SUPT3H: variants seen among roughly 807,000 people sequenced by gnomAD.
SUPT3H encodes SPT3 homolog, SAGA and STAGA complex component.
A neutral mutation model predicts 44.3 loss-of-function variants in SUPT3H; 44 were observed. The observed-to-expected ratio is 0.99, with a 90% CI of 0.78 to 1.28. SUPT3H has a LOEUF of 1.28. Ranked by LOEUF, SUPT3H falls within the 50% of genes most tolerant of loss-of-function variation. The probability of loss-of-function intolerance (pLI) is 0.00; values close to 1 mark genes in which losing one functional copy is unlikely to be tolerated. For missense variants in SUPT3H, 380 were observed against 387.1 expected, an observed-to-expected ratio of 0.98 and a Z score of 0.15; for synonymous variants, 124 against 125.6, an observed-to-expected ratio of 0.99 and a Z score of 0.09.
At chr6:45,302,131 C>T (rs200757460) in intron 2 of SUPT3H, among the ~76,000 whole-genome samples, 40 of 152,006 alleles carry the variant, frequency 2.6e-4, no homozygotes, top group African/African-American at 8.2e-4. Flanking sequence ...ATAGGCTTTG[C>T]GGGGGAAAGG....
At chr6:45,149,849 C>T (rs1368624681) in intron 2 of SUPT3H, among the ~76,000 whole-genome samples, 4 of 152,086 alleles carry the variant, frequency 2.6e-5, no homozygotes, top group African/African-American at 7.2e-5. Flanking sequence ...CCTTATTCAG[C>T]GATACTGAGT....
At chr6:45,079,850 T>G (rs4711812) in intron 3 of SUPT3H, among the ~76,000 whole-genome samples, 1 of 152,330 alleles carries the variant, frequency 6.6e-6, no homozygotes, top group African/African-American at 2.4e-5. Context: ...AAACTATTCA[T>G]AGAACTCACT....
intron 2 of SUPT3H, among the ~76,000 whole-genome samples, chr6:45,325,639 A>C (rs1786226173): frequency 6.7e-6 from 1 of 148,412 alleles, no homozygotes; most frequent in South Asian, 2.1e-4. Flanking sequence ...GGGTCTTTAA[A>C]AAGCAAAAAT....
intron 2 of SUPT3H, among the ~76,000 whole-genome samples, chr6:45,173,600 G>A (rs1811185910): frequency 6.6e-6 from 1 of 152,190 alleles, no homozygotes; most frequent in Admixed American, 6.5e-5. Flanking sequence ...TCTGACACCT[G>A]TAGTAGATGC....
chr6:45,319,009 T>TA (rs1162315675), intron 2 of SUPT3H, among the ~76,000 whole-genome samples: 9 of 152,108 alleles, frequency 5.9e-5, no homozygotes, highest in Non-Finnish European at 8.8e-5. Flanking sequence ...AAAGTATGTT[T>TA]AAAAAAATGT....
At chr6:44,965,134 G>A (rs1582796194) in intron 6 of SUPT3H, among the ~76,000 whole-genome samples, 1 of 152,206 alleles carries the variant, frequency 6.6e-6, no homozygotes, top group East Asian at 1.9e-4. Context: ...AGAAATTAGC[G>A]AGGCCCTGGG....
At chr6:45,376,492 T>C (rs1563053957) in intron 1 of SUPT3H, among the ~76,000 whole-genome samples, 2 of 152,234 alleles carry the variant, frequency 1.3e-5, no homozygotes, top group Non-Finnish European at 2.9e-5. Context: ...ACATTTCAAG[T>C]GCTGAAGAGC....
intron 9 of SUPT3H, among the ~76,000 whole-genome samples, chr6:44,939,543 C>T (rs1582631377): frequency 6.6e-6 from 1 of 151,982 alleles, no homozygotes; most frequent in Non-Finnish European, 1.5e-5. Flanking sequence ...TGTGTCCTTG[C>T]CTGGTTTGGT....
intron 2 of SUPT3H, among the ~76,000 whole-genome samples, chr6:45,331,335 TTATC>T (rs1396578035): frequency 6.6e-6 from 1 of 152,034 alleles, no homozygotes; most frequent in Non-Finnish European, 1.5e-5. Context: ...AGCTGACTGA[TTATC>T]TACATAAAAT....
Position 44,958,429 on chromosome 6 carries a change from A to G in SUPT3H, c.580+3324T>C, listed in dbSNP as rs572639064. ...TGGAATGCTCATTCCACTCAGAAGA[A>G]ACTACTTTGCAACTTCAACCTAATT... On this transcript the variant is annotated intron_variant, in intron 7 of 10. Coordinates refer to ENST00000371459, the MANE Select transcript of SUPT3H (RefSeq NM_003599.4). 5.9e-5 allele frequency among the ~76,000 whole-genome samples: 9 copies of G among 152,276 alleles called. No homozygotes were observed. In the South Asian group the frequency reaches 1.7e-3, roughly 28 times the overall value.
At chr6:44,939,380 G>A (rs1772025615) in intron 9 of SUPT3H, among the ~76,000 whole-genome samples, 1 of 152,062 alleles carries the variant, frequency 6.6e-6, no homozygotes, top group Non-Finnish European at 1.5e-5. Context: ...ATTGATTTGT[G>A]TATGTTGCAT....
At chr6:45,165,080 C>G (rs978116379) in intron 2 of SUPT3H, among the ~76,000 whole-genome samples, 3 of 152,142 alleles carry the variant, frequency 2.0e-5, no homozygotes, top group Admixed American at 2.0e-4. Flanking sequence ...CATTCTGTCC[C>G]CACTGCAAGG....
intron 11 of SUPT3H, among the ~76,000 whole-genome samples, chr6:44,815,598 C>G (rs1766858206): frequency 6.6e-6 from 1 of 151,994 alleles, no homozygotes; most frequent in African/African-American, 2.4e-5. Context: ...ATTAAGAATG[C>G]TAAAGGGGAC....
intron 2 of SUPT3H, among the ~76,000 whole-genome samples, chr6:45,284,889 C>T (rs1004760934): frequency 1.3e-5 from 2 of 152,164 alleles, no homozygotes; most frequent in Non-Finnish European, 2.9e-5. Context: ...AAAAGCTTAT[C>T]CACCATGATC....
chr6:45,034,574 G>A (rs1003643250), intron 3 of SUPT3H, among the ~76,000 whole-genome samples: 2 of 152,114 alleles, frequency 1.3e-5, no homozygotes, highest in Admixed American at 6.5e-5. Context: ...ATGGTGGGAG[G>A]TGTCCAGCAC....
intron 10 of SUPT3H, 79 bp from the exon 11 acceptor site, chr6:44,829,936 C>T: frequency 2.2e-6 from 3 of 1,337,770 alleles, no homozygotes; most frequent in East Asian, 2.3e-5. Context: ...AAGCAGAGCC[C>T]TCTTCCTGTT....
chr6:44,869,766 G>A (rs1201746251), intron 10 of SUPT3H, among the ~76,000 whole-genome samples: 1 of 152,156 alleles, frequency 6.6e-6, no homozygotes. Flanking sequence ...AAGTCCCTAG[G>A]AAGTACCTTC....
chr6:45,130,471 A>G (rs1166453314), intron 2 of SUPT3H, among the ~76,000 whole-genome samples: 2 of 151,990 alleles, frequency 1.3e-5, no homozygotes, highest in Non-Finnish European at 1.5e-5. Flanking sequence ...TACTATGAGC[A>G]ATGCTGCTAT....
intron 3 of SUPT3H, among the ~76,000 whole-genome samples, chr6:45,081,670 T>C (rs914289013): frequency 2.0e-5 from 3 of 152,156 alleles, no homozygotes; most frequent in Admixed American, 1.3e-4. Flanking sequence ...ATATACACTA[T>C]AATTGTGGAA....
Sources: allele counts gnomAD v4.1 joint callset (sites outside exome capture counted in the v4.1 genomes callset), GRCh38; gene constraint gnomAD v4.1.1; transcripts MANE v1.5; gene names NCBI Gene and HGNC (gene_info 2026-07-23, HGNC 2026-07-21).